ABCB11: variants seen among roughly 807,000 people sequenced by gnomAD.
The protein encoded by ABCB11 is ATP binding cassette subfamily B member 11.
Under a neutral mutation model 148.0 loss-of-function variants are expected in ABCB11, and 95 were observed. The observed-to-expected ratio is 0.64, with a 90% confidence interval of 0.54 to 0.76. The LOEUF is 0.76. Ranked by LOEUF, ABCB11 falls within the 30% of genes least tolerant of loss-of-function variation. The probability of loss-of-function intolerance (pLI) is 0.00; values close to 1 mark genes in which losing one functional copy is unlikely to be tolerated. For missense variants in ABCB11, 1,523 were observed against 1,617.8 expected, an observed-to-expected ratio of 0.94 and a Z score of 1.01; for synonymous variants, 591 against 555.4, an observed-to-expected ratio of 1.06 and a Z score of -0.90.
intron 1 of ABCB11, among the ~76,000 whole-genome samples, chr2:169,018,874 A>G (rs763183539): frequency 2.0e-5 from 3 of 152,176 alleles, no homozygotes; most frequent in South Asian, 2.1e-4. Context: ...AAATAAATAA[A>G]AATAAACATC....
chr2:168,967,934 TA>T (rs918320314), intron 17 of ABCB11, among the ~76,000 whole-genome samples: 1 of 151,944 alleles, frequency 6.6e-6, no homozygotes, highest in Non-Finnish European at 1.5e-5. Flanking sequence ...TTTTAAGTGC[TA>T]AAAAATTACA....
At chr2:169,012,228 C>G (rs1162985682) in intron 5 of ABCB11, among the ~76,000 whole-genome samples, 3 of 152,114 alleles carry the variant, frequency 2.0e-5, no homozygotes, top group Admixed American at 2.0e-4. Flanking sequence ...TGTGCCCCAC[C>G]CTTGATTCTT....
intron 23 of ABCB11, among the ~76,000 whole-genome samples, chr2:168,934,443 A>G (rs574840313): frequency 6.6e-6 from 1 of 152,190 alleles, no homozygotes; most frequent in Admixed American, 6.5e-5. Flanking sequence ...GTACCCTGAC[A>G]CCCTTAGGCT....
intron 3 of ABCB11, 75 bp downstream of exon 3, chr2:169,016,703 T>C: frequency 8.1e-7 from 1 of 1,241,256 alleles, no homozygotes; most frequent in South Asian, 1.3e-5. Context: ...AAGTATTCTC[T>C]GCTTTGTGCC....
intron 19 of ABCB11, among the ~76,000 whole-genome samples, chr2:168,951,808 G>T (rs761213325): frequency 1.3e-5 from 2 of 151,456 alleles, no homozygotes; most frequent in African/African-American, 2.4e-5. Context: ...GGTGAAAATT[G>T]GCATCCTTAT....
chr2:168,928,654 T>C (rs924201630), intron 25 of ABCB11, among the ~76,000 whole-genome samples: 8 of 152,184 alleles, frequency 5.3e-5, no homozygotes, highest in Non-Finnish European at 7.4e-5. Context: ...TTAATGTACA[T>C]GTTAATGTTG....
intron 19 of ABCB11, 21 bp downstream of exon 19, chr2:168,957,943 C>A: frequency 1.3e-6 from 2 of 1,493,288 alleles, no homozygotes; most frequent in East Asian, 2.3e-5. Context: ...AAGAAGAAAG[C>A]TAGTCCAGCT....
At chr2:168,971,764 C>T (rs1360497877) in intron 14 of ABCB11, 83 bp downstream of exon 14, 46 of 1,285,310 alleles carry the variant, frequency 3.6e-5, no homozygotes, top group East Asian at 1.4e-4. Flanking sequence ...GGGAATCATA[C>T]GAGAAGAAAT....
intron 5 of ABCB11, among the ~76,000 whole-genome samples, chr2:168,998,394 T>C (rs1694779866): frequency 6.6e-6 from 1 of 152,060 alleles, no homozygotes; most frequent in Non-Finnish European, 1.5e-5. Flanking sequence ...TAGGTGACTA[T>C]AATAGTTAAC....
intron 5 of ABCB11, among the ~76,000 whole-genome samples, chr2:168,997,231 G>A (rs1176895052): frequency 6.6e-6 from 1 of 152,040 alleles, no homozygotes; most frequent in Non-Finnish European, 1.5e-5. Context: ...ATGCTAGCCA[G>A]CTTTTCAACT....
At chr2:168,994,608 G>T (rs992030448) in intron 7 of ABCB11, among the ~76,000 whole-genome samples, 1 of 152,026 alleles carries the variant, frequency 6.6e-6, no homozygotes, top group African/African-American at 2.4e-5. Context: ...ATATGTGTTA[G>T]TTCTGATTAT....
chr2:168,987,960 A>G (rs545378113), intron 9 of ABCB11, among the ~76,000 whole-genome samples: 1 of 152,200 alleles, frequency 6.6e-6, no homozygotes, highest in African/African-American at 2.4e-5. Flanking sequence ...AATCAAGATA[A>G]TTAACATGCA....
chr2:168,959,894 T>C (rs1692981148), intron 18 of ABCB11, among the ~76,000 whole-genome samples: 1 of 135,234 alleles, frequency 7.4e-6, no homozygotes, highest in African/African-American at 2.9e-5. Context: ...CCTTTGTCTC[T>C]GGTTCAGGGT....
chr2:168,930,878 T>C lies in ABCB11; in HGVS notation c.3214-16A>G, dbSNP rs1691540939. The C allele has an allele frequency of 6.4e-7, 1 of 1,573,056 alleles. No homozygotes were observed. The highest frequency in any genetic ancestry group is 1.3e-5 in the African/African-American group (1 of 74,324). On this transcript the variant is annotated splice_polypyrimidine_tract_variant and intron_variant, in intron 24 of 27. Transcript: ENST00000650372. ...GGAAGTTGTCCTGTGGATGGGAGGA[T>C]CAAAATTAGAGATGCTCTTACTGAA... is the stretch of plus-strand genomic sequence containing the variant.
chr2:168,969,387 G>C lies in ABCB11; in HGVS notation c.1974C>G (p.Ser658Arg). 2 of 1,612,388 alleles carry C rather than the reference G, an allele frequency of 1.2e-6. No individual in the cohort carries two copies. Among genetic ancestry groups the C allele is most frequent in the Middle Eastern group, 1.7e-4 (1 of 6,048 alleles). Residue 658 changes from serine (S) to arginine (R), a missense_variant, in exon 16 of 28, where the codon AGC (serine) becomes AGG (arginine). Ser to Arg is a moderately radical substitution (Grantham distance 110). Coordinates refer to ENST00000650372, the MANE Select transcript of ABCB11 (RefSeq NM_003742.4). ...GVYFTLVTLQ[S>R]QGNQALNEED... ...CTTCATTAAGAGCTTGATTTCCCTG[G>C]CTTTGCAAAGTCACTAGAGTGAAGT... is the stretch of plus-strand genomic sequence containing the variant.
intron 25 of ABCB11, among the ~76,000 whole-genome samples, chr2:168,928,789 C>T (rs1691437114): frequency 6.6e-6 from 1 of 152,174 alleles, no homozygotes; most frequent in African/African-American, 2.4e-5. Context: ...AATTATACCT[C>T]TGGTTACAAT....
chr2:168,916,106 C>A (rs1352164044), downstream of ABCB11, among the ~76,000 whole-genome samples: 6 of 152,198 alleles, frequency 3.9e-5, no homozygotes, highest in Admixed American at 6.5e-5. Flanking sequence ...GTTATTGAAA[C>A]TCTGCTCATT....
At chr2:169,005,436 G>A (rs1390384073) in intron 5 of ABCB11, among the ~76,000 whole-genome samples, 2 of 152,098 alleles carry the variant, frequency 1.3e-5, no homozygotes. Flanking sequence ...GGAGGATTAT[G>A]GCTGCCTCTG....
rs1694626530 is a variant in ABCB11, at chr2:168,993,822, C to A, written c.672G>T (p.Met224Ile). The A allele has an allele frequency of 2.5e-6, 4 of 1,611,498 alleles. No homozygotes were observed. The highest frequency in any genetic ancestry group is 3.3e-5 in the Admixed American group (2 of 59,720). ...ACAGGAAACCACAGATGGTCGAGGT[C>A]ATGCGCTGAATGAAAAGGGCCATTT... ...ADQMALFIQRMTSTICGFLLG... is the reference protein window; with the variant it reads ...ADQMALFIQRITSTICGFLLG... Residue 224 changes from methionine (M) to isoleucine (I), a missense_variant, in exon 8 of 28, where the codon ATG becomes ATT. Met to Ile is a conservative substitution (Grantham distance 10, BLOSUM62 1). Transcript: ENST00000650372.
Sources: gnomAD v4.1 joint callset for allele counts (sites outside exome capture counted in the v4.1 genomes callset) on GRCh38, gnomAD v4.1.1 for gene constraint, MANE v1.5 for transcripts, NCBI Gene and HGNC (gene_info 2026-07-23, HGNC 2026-07-21) for gene names.